KIAA1217: variants seen among roughly 807,000 people sequenced by gnomAD.
KIAA1217 encodes sickle tail protein homolog.
KIAA1217 carries 88 observed loss-of-function variants against 163.9 expected under a neutral mutation model. The observed-to-expected ratio is 0.54, with a 90% CI of 0.45 to 0.64. The LOEUF (loss-of-function observed/expected upper bound fraction) is 0.64. KIAA1217 is among the 30% of genes least tolerant of loss of function. The pLI, the probability that KIAA1217 is intolerant of heterozygous loss-of-function variation, is 0.00. For missense variants in KIAA1217, 2,372 were observed against 2,475.0 expected (o/e 0.96, Z 0.88); for synonymous variants, 903 against 923.1 (o/e 0.98, Z 0.39).
chr10:24,374,380 C>G (rs2052154813), intron 2 of KIAA1217, among the ~76,000 whole-genome samples: 1 of 152,206 alleles, frequency 6.6e-6, no homozygotes, highest in African/African-American at 2.4e-5. Context: ...CAGATGTCCA[C>G]TAAACACTCG....
chr10:24,102,002 A>T (rs2062435081), intron 2 of KIAA1217, among the ~76,000 whole-genome samples: 1 of 152,210 alleles, frequency 6.6e-6, no homozygotes, highest in Admixed American at 6.5e-5. Flanking sequence ...ACCAAAAGCC[A>T]CTAAACTGTA....
chr10:23,921,421 CT>C (rs1213827806), intron 1 of KIAA1217, among the ~76,000 whole-genome samples: 1 of 152,156 alleles, frequency 6.6e-6, no homozygotes, highest in Non-Finnish European at 1.5e-5. Context: ...AATAATTTAG[CT>C]TAAGATTCCA....
intron 10 of KIAA1217, among the ~76,000 whole-genome samples, chr10:24,518,061 T>C (rs781443304): frequency 2.6e-5 from 4 of 152,146 alleles, no homozygotes; most frequent in Non-Finnish European, 4.4e-5. Context: ...TAATAATTGG[T>C]CTTCTAATAA....
Position 23,876,099 on chromosome 10 carries a change from T to TA in KIAA1217, c.-320-131114dup, listed in dbSNP as rs199774520. Among the ~76,000 whole-genome samples, 407 of 138,788 alleles carry TA rather than the reference T, an allele frequency of 2.9e-3. 1 individual carries two copies. The highest frequency in any genetic ancestry group is 3.4e-3 in the African/African-American group (131 of 37,992). 91.1% of individuals were successfully genotyped at this position (138,788 alleles called of 152,430 possible). A position where few individuals can be genotyped will look rare whatever the true frequency, so the allele number is the denominator to read the frequency against. ...TGTACCCTAGAACTTAAAGTATAAT[T>TA]AAAAAAAAAAAAGAAAATGAGACAT... On this transcript the variant is annotated intron_variant, in intron 1 of 18. Transcript: ENST00000376462.
chr10:24,014,681 A>G (rs1245109408), intron 2 of KIAA1217, among the ~76,000 whole-genome samples: 2 of 152,202 alleles, frequency 1.3e-5, no homozygotes, highest in Non-Finnish European at 2.9e-5. Flanking sequence ...GTCTGATGGA[A>G]AACTATTTTT....
chr10:24,073,294 G>C (rs905742457), intron 2 of KIAA1217, among the ~76,000 whole-genome samples: 1 of 152,050 alleles, frequency 6.6e-6, no homozygotes, highest in Admixed American at 6.6e-5. Flanking sequence ...TTCCTGGGCG[G>C]CTGGGGCAGG....
intron 2 of KIAA1217, among the ~76,000 whole-genome samples, chr10:24,033,134 T>C (rs566183020): frequency 6.6e-6 from 1 of 152,358 alleles, no homozygotes; most frequent in East Asian, 1.9e-4. Context: ...TTAAGATTCT[T>C]TTACAATATA....
intron 2 of KIAA1217, among the ~76,000 whole-genome samples, chr10:24,062,121 G>C (rs76508010): frequency 0.053 from 8,065 of 151,714 alleles, 703 homozygotes; most frequent in African/African-American, 0.19. Flanking sequence ...GAATTTTTTA[G>C]TTTAGTTAAT....
At chr10:24,130,685 G>A (rs1245331930) in intron 2 of KIAA1217, among the ~76,000 whole-genome samples, 5 of 152,126 alleles carry the variant, frequency 3.3e-5, no homozygotes, top group Admixed American at 6.6e-5. Flanking sequence ...GAATAATGCC[G>A]ATTGGAATTA....
chr10:24,036,383 A>G (rs542902318), intron 2 of KIAA1217, among the ~76,000 whole-genome samples: 24 of 152,308 alleles, frequency 1.6e-4, no homozygotes, highest in Admixed American at 7.8e-4. Context: ...CAGAAGTACA[A>G]TGAATAATTC....
At chr10:24,226,642 A>G (rs2070600008) in intron 2 of KIAA1217, among the ~76,000 whole-genome samples, 1 of 149,644 alleles carries the variant, frequency 6.7e-6, no homozygotes, top group African/African-American at 2.4e-5. Context: ...ACTCCATCTC[A>G]AAAAAAAAAT....
At chr10:24,519,489 A>G (rs1171321518) in intron 10 of KIAA1217, among the ~76,000 whole-genome samples, 8 of 151,970 alleles carry the variant, frequency 5.3e-5, no homozygotes, top group Non-Finnish European at 2.9e-5. Context: ...TTTAGGGGCA[A>G]TTTTGCTCCC....
At chr10:24,487,299 C>T (rs34244326) in intron 6 of KIAA1217, among the ~76,000 whole-genome samples, 32,627 of 152,188 alleles carry the variant, frequency 0.21, 3,829 homozygotes, top group South Asian at 0.37. Flanking sequence ...GCTGTAGCCA[C>T]CATGCCCACC....
intron 1 of KIAA1217, among the ~76,000 whole-genome samples, chr10:23,896,106 A>T (rs1320770996): frequency 2.0e-5 from 3 of 152,008 alleles, no homozygotes; most frequent in Admixed American, 2.0e-4. Context: ...ACTAACCTGC[A>T]CATTGTGCCC....
At chr10:24,419,965 T>C (rs962854486) in intron 3 of KIAA1217, among the ~76,000 whole-genome samples, 2 of 152,064 alleles carry the variant, frequency 1.3e-5, no homozygotes, top group African/African-American at 4.8e-5. Flanking sequence ...TTACCGCTGT[T>C]AACTGTTCCA....
At chr10:23,834,660 T>C (rs1838364115) in intron 1 of KIAA1217, among the ~76,000 whole-genome samples, 1 of 152,108 alleles carries the variant, frequency 6.6e-6, no homozygotes. Flanking sequence ...GCAGTGTGGC[T>C]GGAATGAAGA....
intron 1 of KIAA1217, among the ~76,000 whole-genome samples, chr10:23,958,378 C>T (rs1844661591): frequency 1.3e-5 from 2 of 152,152 alleles, no homozygotes; most frequent in Non-Finnish European, 2.9e-5. Context: ...AAGAGGCAGG[C>T]TTCAATGTCC....
chr10:23,938,996 A>G (rs1843648289), intron 1 of KIAA1217, among the ~76,000 whole-genome samples: 1 of 152,222 alleles, frequency 6.6e-6, no homozygotes, highest in Non-Finnish European at 1.5e-5. Flanking sequence ...TTTTATAACT[A>G]TATCCCATAG....
chr10:24,240,695 A>G (rs1383274663), intron 2 of KIAA1217, among the ~76,000 whole-genome samples: 1 of 152,214 alleles, frequency 6.6e-6, no homozygotes, highest in Non-Finnish European at 1.5e-5. Context: ...ATTAAATAAC[A>G]AAACAGACGT....
Sources: allele counts gnomAD v4.1 joint callset (sites outside exome capture counted in the v4.1 genomes callset), GRCh38; gene constraint gnomAD v4.1.1; transcripts MANE v1.5; gene names NCBI Gene and HGNC (gene_info 2026-07-23, HGNC 2026-07-21).